The following HDAC9 variants were observed in gnomAD, a reference collection of about 807,000 sequenced individuals.
The protein encoded by HDAC9 is MEF-2 interacting transcription repressor (MITR) protein.
A neutral mutation model predicts 139.4 loss-of-function variants in HDAC9; 41 were observed. The ratio of observed to expected loss-of-function variants is 0.29; its 90% CI spans 0.23 to 0.38. The LOEUF (loss-of-function observed/expected upper bound fraction) is 0.38. Among genes scored for constraint, HDAC9 ranks in the 10% least tolerant of loss-of-function variants. The probability of loss-of-function intolerance (pLI) is 1.00; values close to 1 mark genes in which losing one functional copy is unlikely to be tolerated. For synonymous variants in HDAC9, 517 were observed against 476.2 expected (o/e 1.09, Z -1.12); for missense variants, 1,147 against 1,297.0 (o/e 0.88, Z 1.78).
At chr7:18,968,215 C>A (rs553711851) in intron 24 of HDAC9, among the ~76,000 whole-genome samples, 1 of 152,176 alleles carries the variant, frequency 6.6e-6, no homozygotes, top group South Asian at 2.1e-4. Context: ...AAATTTCTCT[C>A]TTAGCTTCCC....
chr7:18,252,946 C>G (rs543674996), intron 2 of HDAC9, among the ~76,000 whole-genome samples: 1 of 152,236 alleles, frequency 6.6e-6, no homozygotes, highest in Non-Finnish European at 1.5e-5. Context: ...GTGTGTTGTT[C>G]CCCTCTATCT....
At chr7:18,161,957 T>C (rs1036436812) in intron 1 of HDAC9, among the ~76,000 whole-genome samples, 13 of 152,208 alleles carry the variant, frequency 8.5e-5, no homozygotes, top group African/African-American at 3.1e-4. Flanking sequence ...AAGCTAATTA[T>C]AATTATGTGA....
At chr7:18,155,355 T>A (rs1042161314) in intron 1 of HDAC9, among the ~76,000 whole-genome samples, 7 of 152,160 alleles carry the variant, frequency 4.6e-5, no homozygotes, top group Non-Finnish European at 8.8e-5. Flanking sequence ...ACCCTGGGGC[T>A]AAGCCCAGTG....
chr7:18,434,737 A>G (rs1791013457), intron 1 of HDAC9, among the ~76,000 whole-genome samples: 1 of 152,218 alleles, frequency 6.6e-6, no homozygotes, highest in Admixed American at 6.5e-5. Context: ...AAGTCAAAAA[A>G]TAACAAATGC....
chr7:18,107,052 A>T (rs1303280823), intron 1 of HDAC9, among the ~76,000 whole-genome samples: 2 of 152,208 alleles, frequency 1.3e-5, no homozygotes, highest in Admixed American at 1.3e-4. Context: ...TTTAAACTTT[A>T]AATAAAATGT....
intron 1 of HDAC9, among the ~76,000 whole-genome samples, chr7:18,346,483 C>A (rs533744960): frequency 3.3e-5 from 5 of 151,888 alleles, no homozygotes; most frequent in African/African-American, 1.2e-4. Context: ...GCATTTTTTC[C>A]TTTCATTTAT....
intron 1 of HDAC9, among the ~76,000 whole-genome samples, chr7:18,415,725 T>G (rs1364557250): frequency 1.3e-5 from 2 of 152,238 alleles, no homozygotes; most frequent in African/African-American, 4.8e-5. Flanking sequence ...CTGTGTTCAC[T>G]TAAAATTTTG....
intron 6 of HDAC9, among the ~76,000 whole-genome samples, chr7:18,617,492 C>G (rs886955077): frequency 1.3e-5 from 2 of 152,158 alleles, no homozygotes; most frequent in Non-Finnish European, 2.9e-5. Context: ...AAAGTGCCCT[C>G]TTCAATAGTT....
At chr7:18,764,962 T>A (rs1185912366) in intron 15 of HDAC9, among the ~76,000 whole-genome samples, 3 of 152,192 alleles carry the variant, frequency 2.0e-5, no homozygotes, top group Admixed American at 6.5e-5. Context: ...TTTATCTCTT[T>A]AAATACTCTA....
chr7:18,784,514 C>CAA (rs919229671), intron 16 of HDAC9, among the ~76,000 whole-genome samples: 1 of 146,450 alleles, frequency 6.8e-6, no homozygotes, highest in African/African-American at 2.5e-5. Context: ...AAACAAAAAA[C>CAA]AAAAAAAAAA....
intron 21 of HDAC9, among the ~76,000 whole-genome samples, chr7:18,868,076 C>T (rs1163579295): frequency 2.6e-5 from 4 of 152,058 alleles, no homozygotes; most frequent in East Asian, 1.9e-4. Context: ...TTATCTGTTT[C>T]GTTAAGAGTC....
intron 2 of HDAC9, among the ~76,000 whole-genome samples, chr7:18,220,905 G>A (rs555095102): frequency 1.9e-4 from 29 of 152,260 alleles, no homozygotes; most frequent in African/African-American, 6.3e-4. Flanking sequence ...GAAGCTTTTA[G>A]TAATGTTATC....
chr7:18,734,753 G>A (rs1786729562), intron 13 of HDAC9, among the ~76,000 whole-genome samples: 1 of 152,192 alleles, frequency 6.6e-6, no homozygotes, highest in Non-Finnish European at 1.5e-5. Flanking sequence ...TATATACCCA[G>A]TAATGGGATC....
chr7:18,517,044 C>A (rs1803453393), intron 2 of HDAC9, among the ~76,000 whole-genome samples: 1 of 152,040 alleles, frequency 6.6e-6, no homozygotes, highest in African/African-American at 2.4e-5. Context: ...CCAATTCAGC[C>A]AGCATTCTCT....
intron 14 of HDAC9, among the ~76,000 whole-genome samples, chr7:18,761,273 G>A (rs895029153): frequency 6.6e-6 from 1 of 152,182 alleles, no homozygotes. Context: ...TTGACCTAAT[G>A]AACAGTTTTG....
At chr7:18,415,453 AAG>A (rs1788964645) in intron 1 of HDAC9, among the ~76,000 whole-genome samples, 1 of 152,238 alleles carries the variant, frequency 6.6e-6, no homozygotes, top group South Asian at 2.1e-4. Flanking sequence ...GTGGCAATCA[AAG>A]AGAGGCATTT....
chr7:18,829,815 T>G (rs571948981), intron 19 of HDAC9, among the ~76,000 whole-genome samples: 1 of 152,322 alleles, frequency 6.6e-6, no homozygotes, highest in South Asian at 2.1e-4. Flanking sequence ...AATTGATACT[T>G]CCACAGTTAA....
At chr7:18,818,639 G>C (rs906243613) in intron 17 of HDAC9, among the ~76,000 whole-genome samples, 2 of 152,178 alleles carry the variant, frequency 1.3e-5, no homozygotes, top group Non-Finnish European at 2.9e-5. Context: ...TCATTGCTTA[G>C]TGTTTGTTAA....
chr7:18,697,890 G>A (rs533370149), intron 12 of HDAC9, among the ~76,000 whole-genome samples: 1 of 152,104 alleles, frequency 6.6e-6, no homozygotes, highest in African/African-American at 2.4e-5. Context: ...GCATGATGAG[G>A]GTGATCAGTA....
Sources: allele counts gnomAD v4.1 joint callset (sites outside exome capture counted in the v4.1 genomes callset), GRCh38; gene constraint gnomAD v4.1.1; transcripts MANE v1.5; gene names NCBI Gene and HGNC (gene_info 2026-07-23, HGNC 2026-07-21).